GANAB: variants seen among roughly 807,000 people sequenced by gnomAD.
GANAB encodes neutral alpha-glucosidase AB.
GANAB carries 35 observed loss-of-function variants against 129.9 expected under a neutral mutation model. That is an observed-to-expected ratio of 0.27 (90% CI 0.21 to 0.36). The LOEUF (loss-of-function observed/expected upper bound fraction) is 0.36, where lower values mean the gene tolerates loss of function less well. GANAB is among the 10% of genes least tolerant of loss of function. The pLI is 1.00. For missense variants in GANAB, 939 were observed against 1,221.0 expected, an observed-to-expected ratio of 0.77 and a Z score of 3.44; for synonymous variants, 482 against 451.8, an observed-to-expected ratio of 1.07 and a Z score of -0.85.
intron 5 of GANAB, chr11:62,633,966 G>C (rs867833392): frequency 2.8e-6 from 1 of 353,046 alleles, no homozygotes. Context: ...GGGACTTCAA[G>C]AGATTCTGCC....
In GANAB at chr11:62,625,419, CTCA is replaced by C. The variant is rs574453455; in HGVS notation, c.*393_*395del. 2.4e-4 allele frequency: 97 copies of C among 398,118 alleles called. No individual in the cohort carries two copies. Among genetic ancestry groups the C allele is most frequent in the African/African-American group, 1.8e-3 (88 of 48,130 alleles). The allele number at this position is 398,118 out of a possible 1,614,324, so 24.7% of individuals were successfully genotyped here. A position where few individuals can be genotyped will look rare whatever the true frequency, so the allele number is the denominator to read the frequency against. On this transcript the variant is annotated 3_prime_UTR_variant, in exon 24 of 24. Transcript: ENST00000356638. ...GGAAAAGGAGCCCTAACTCATTGCC[CTCA>C]TCTTCTTCCAAGAAGTGGCATCAAC...
chr11:62,631,085 G>A lies in GANAB; in HGVS notation c.1095C>T (p.Phe365=), dbSNP rs766656117. ...CAGAGATGGAGGGCCCCAGCAGCAGGAAGACGTCAATGATGCCAGTCTCTG... is the reference window on the plus strand; with the variant it reads ...CAGAGATGGAGGGCCCCAGCAGCAGAAAGACGTCAATGATGCCAGTCTCTG... ...WMSETGIIDV[F]LLLGPSISDV... Residue 365 remains phenylalanine (F), a synonymous_variant, in exon 10 of 24, where the codon TTC becomes TTT. Coordinates refer to ENST00000356638, the MANE Select transcript of GANAB (RefSeq NM_198334.3). 4 of 1,611,236 alleles carry A rather than the reference G, an allele frequency of 2.5e-6. No homozygotes were observed. Among genetic ancestry groups the A allele is most frequent in the South Asian group, 2.2e-5 (2 of 91,034 alleles).
At chr11:62,642,387 T>C (rs528927783) in intron 1 of GANAB, among the ~76,000 whole-genome samples, 34 of 151,492 alleles carry the variant, frequency 2.2e-4, no homozygotes, top group Non-Finnish European at 4.9e-4. Flanking sequence ...AGTGACCTGG[T>C]CTCACTTCTA....
chr11:62,639,823 G>T (rs749735294), intron 1 of GANAB, 92 bp from the exon 2 acceptor site: 225 of 757,110 alleles, frequency 3.0e-4, no homozygotes, highest in Non-Finnish European at 3.5e-4. Context: ...CATAGCACTA[G>T]AAGATAGTTG....
chr11:62,645,693 G>A (rs1944447636), intron 1 of GANAB, among the ~76,000 whole-genome samples: 1 of 152,130 alleles, frequency 6.6e-6, no homozygotes, highest in Non-Finnish European at 1.5e-5. Flanking sequence ...AATTCACGGC[G>A]GCCTTGACCA....
chr11:62,637,669 C>G (rs1186199794), intron 4 of GANAB, among the ~76,000 whole-genome samples: 1 of 152,104 alleles, frequency 6.6e-6, no homozygotes, highest in Non-Finnish European at 1.5e-5. Flanking sequence ...ATTCATACAA[C>G]ATAATAATAT....
At chr11:62,632,115 A>G (rs2134488650) in intron 9 of GANAB, among the ~76,000 whole-genome samples, 1 of 151,754 alleles carries the variant, frequency 6.6e-6, no homozygotes, top group African/African-American at 2.4e-5. Context: ...CTGGGATTAC[A>G]GGAGTCCGCC....
intron 9 of GANAB, among the ~76,000 whole-genome samples, chr11:62,631,809 G>T (rs1367382681): frequency 1.3e-5 from 2 of 151,540 alleles, no homozygotes; most frequent in Non-Finnish European, 2.9e-5. Flanking sequence ...TAGAGATGGG[G>T]TCTCGCCATG....
At chr11:62,643,518 C>T (rs574829670) in intron 1 of GANAB, among the ~76,000 whole-genome samples, 1 of 152,302 alleles carries the variant, frequency 6.6e-6, no homozygotes, top group African/African-American at 2.4e-5. Flanking sequence ...TGGCACACGC[C>T]TGCAGTCCCA....
In GANAB at chr11:62,646,543, C is replaced by T. The variant is rs1944493607; in HGVS notation, c.38+19G>A. The T allele has an allele frequency of 1.2e-6, 2 of 1,613,116 alleles. No homozygotes were observed. Among genetic ancestry groups the T allele is most frequent in the Non-Finnish European group, 1.7e-6 (2 of 1,179,716 alleles). Reference sequence around the variant, plus strand: ...TCTGGGGGCGTCCCGGGCGCGCCCCCAGATTCCGGGCTCCTCACCGCCTCC... The same window carrying T: ...TCTGGGGGCGTCCCGGGCGCGCCCCTAGATTCCGGGCTCCTCACCGCCTCC... On this transcript the variant is annotated intron_variant, in intron 1 of 23. Transcript: ENST00000356638.
chr11:62,626,490 G>A, intron 21 of GANAB, 43 bp from the exon 22 acceptor site: 1 of 1,517,162 alleles, frequency 6.6e-7, no homozygotes, highest in Non-Finnish European at 9.2e-7. Context: ...GCCCAAGAGG[G>A]AGTGAGGGGC....
chr11:62,630,110 A>C, intron 13 of GANAB, 87 bp downstream of exon 13: 1 of 1,326,382 alleles, frequency 7.5e-7, no homozygotes, highest in South Asian at 1.2e-5. Context: ...GCAGGCAATC[A>C]ACCATAGAAG....
At chr11:62,638,297 G>A (rs1944040616) in intron 4 of GANAB, among the ~76,000 whole-genome samples, 1 of 152,060 alleles carries the variant, frequency 6.6e-6, no homozygotes, top group African/African-American at 2.4e-5. Flanking sequence ...GGGATTACAG[G>A]TCCGCACCAC....
At chr11:62,625,947 C>A (rs1489373254) in intron 23 of GANAB, 23 bp from the exon 24 acceptor site, 1 of 1,543,144 alleles carries the variant, frequency 6.5e-7, no homozygotes, top group Non-Finnish European at 9.0e-7. Flanking sequence ...TAAAAGAGTG[C>A]CATAGTCATA....
intron 4 of GANAB, among the ~76,000 whole-genome samples, chr11:62,636,733 C>T (rs1468349204): frequency 1.3e-5 from 2 of 151,954 alleles, no homozygotes; most frequent in Non-Finnish European, 2.9e-5. Context: ...AGCCTGCAGT[C>T]CCAGCTACTC....
At chr11:62,630,338 C>T (rs1472596038) in intron 12 of GANAB, 41 bp downstream of exon 12, 8 of 1,613,702 alleles carry the variant, frequency 5.0e-6, no homozygotes, top group East Asian at 2.2e-5. Flanking sequence ...CATTCTACCC[C>T]GCTGGCCAAT....
Position 62,630,629 on chromosome 11 carries a change from A to C in GANAB, c.1358T>G (p.Leu453Arg), listed in dbSNP as rs138262484. ...CCGCCTCTTAGAAGCCAAGCGCTCAAGCATGGTGCGGGGCTGAGGGAAGCG... is the reference window on the plus strand; with the variant it reads ...CCGCCTCTTAGAAGCCAAGCGCTCACGCATGGTGCGGGGCTGAGGGAAGCG... ...PSRFPQPRTM[L>R]ERLASKRRKL... The change falls in exon 11 of 24, where the codon CTT becomes CGT. Residue 453 changes from leucine to arginine, a missense_variant. Leu to Arg is a moderately radical substitution (Grantham distance 102). Around this residue, in one of 5 missense-constraint regions of GANAB, gnomAD observed 220 missense variants for 295.9 expected, o/e 0.74. Coordinates refer to ENST00000356638, the MANE Select transcript of GANAB (RefSeq NM_198334.3). The C allele has an allele frequency of 6.2e-7, 1 of 1,613,356 alleles. No homozygotes were observed. The highest frequency in any genetic ancestry group is 1.3e-5 in the African/African-American group (1 of 75,028).
chr11:62,633,229 C>A lies in GANAB; in HGVS notation c.673G>T (p.Ala225Ser), dbSNP rs778953301. The A allele has an allele frequency of 1.2e-6, 2 of 1,614,172 alleles. No homozygotes were observed. The highest frequency in any genetic ancestry group is 1.7e-6 in the Non-Finnish European group (2 of 1,180,020). The change falls in exon 7 of 24, where the codon GCC (alanine) becomes TCC (serine). Residue 225 changes from alanine to serine, a missense_variant. Ala to Ser is a moderately conservative substitution (Grantham distance 99). Coordinates refer to ENST00000356638, the MANE Select transcript of GANAB (RefSeq NM_198334.3). ...TGAGTTTTGAATGTCTCCTCCCAGG[C>A]TCCTGGCTCATCTTTCTCTGCCTTC... ...QGKAEKDEPG[A>S]WEETFKTHSD...
chr11:62,625,164 G>A lies in GANAB; in HGVS notation c.*651C>T. The A allele has an allele frequency of 4.4e-6, 2 of 453,614 alleles. No individual in the cohort carries two copies. The highest frequency in any genetic ancestry group is 8.8e-6 in the Non-Finnish European group (2 of 226,244). 28.1% of individuals were successfully genotyped at this position (453,614 alleles called of 1,614,324 possible). ...GGAAACGTCTTTCTGCCGAGGGACA[G>A]AGGAGGTAGAACTGCCCCTCTAAGA... On this transcript the variant is annotated 3_prime_UTR_variant, in exon 24 of 24. Transcript: ENST00000356638.
Sources: gnomAD v4.1 joint callset for allele counts (sites outside exome capture counted in the v4.1 genomes callset) on GRCh38, gnomAD v4.1.1 for gene constraint, gnomAD v4.1.1 regional missense constraint, MANE v1.5 for transcripts, NCBI Gene and HGNC (gene_info 2026-07-23, HGNC 2026-07-21) for gene names.